The following MYO1H variants were observed in gnomAD, a reference collection of about 807,000 sequenced individuals.
MYO1H encodes the protein myosin IH.
Under a neutral mutation model 149.3 loss-of-function variants are expected in MYO1H, and 118 were observed. The ratio of observed to expected loss-of-function variants is 0.79; its 90% CI spans 0.68 to 0.92. MYO1H has a LOEUF of 0.92. Ranked by LOEUF, MYO1H falls within the 40% of genes least tolerant of loss-of-function variation. The pLI, the probability that MYO1H is intolerant of heterozygous loss-of-function variation, is 0.00. For missense variants in MYO1H, 1,212 were observed against 1,280.7 expected, an observed-to-expected ratio of 0.95 and a Z score of 0.82; for synonymous variants, 447 against 465.2, an observed-to-expected ratio of 0.96 and a Z score of 0.50.
At chr12:109,447,397 G>A (rs1201361667) in exon 32 of MYO1H, 3 of 609,630 alleles carry the variant, frequency 4.9e-6, no homozygotes, top group Non-Finnish European at 8.8e-6. Context: ...GTCACCTTCT[G>A]GAAGCAGACC....
chr12:109,427,875 T>G, intron 19 of MYO1H, among the ~76,000 whole-genome samples: 1 of 32,418 alleles, frequency 3.1e-5, no homozygotes, highest in African/African-American at 1.3e-4. Flanking sequence ...CAAAACCCAA[T>G]CTCTACAAAA....
chr12:109,318,677 CCA>C, the MYO1H span, among the ~76,000 whole-genome samples: 2 of 152,176 alleles, frequency 1.3e-5, no homozygotes, highest in African/African-American at 2.4e-5. Context: ...CCAACACACT[CCA>C]AAATTGTCAA....
intron 1 of MYO1H, among the ~76,000 whole-genome samples, chr12:109,355,118 C>T (rs1868559003): frequency 1.3e-5 from 2 of 152,100 alleles, no homozygotes. Context: ...CCGGAGCTGG[C>T]AGAAGTCTAT....
At chr12:109,433,305 C>T (rs1178080836) in intron 20 of MYO1H, among the ~76,000 whole-genome samples, 3 of 152,170 alleles carry the variant, frequency 2.0e-5, no homozygotes, top group African/African-American at 4.8e-5. Context: ...ACCTAACGTC[C>T]GTGTGCCTGG....
At chr12:109,407,851 G>C (rs759866884) in exon 10 of MYO1H, 2 of 1,613,952 alleles carry the variant, frequency 1.2e-6, no homozygotes, top group African/African-American at 1.3e-5. Flanking sequence ...AATGGCAAAG[G>C]CTGTTTATGG....
intron 1 of MYO1H, among the ~76,000 whole-genome samples, chr12:109,348,616 A>G (rs1370195340): frequency 6.6e-6 from 1 of 152,230 alleles, no homozygotes; most frequent in Admixed American, 6.5e-5. Flanking sequence ...ATTATCAGGT[A>G]GACAATGGTA....
chr12:109,328,339 A>G, the MYO1H span, among the ~76,000 whole-genome samples: 1 of 151,986 alleles, frequency 6.6e-6, no homozygotes. Context: ...TATGAGAGAG[A>G]TGCTATCAGT....
the MYO1H span, among the ~76,000 whole-genome samples, chr12:109,337,276 A>T: frequency 6.6e-6 from 1 of 152,192 alleles, no homozygotes; most frequent in Non-Finnish European, 1.5e-5. Context: ...ATATTCTTAT[A>T]ATTCAAATAT....
chr12:109,378,566 G>A (rs1315209290), intron 1 of MYO1H, among the ~76,000 whole-genome samples: 3 of 151,922 alleles, frequency 2.0e-5, no homozygotes, highest in Non-Finnish European at 2.9e-5. Context: ...TCAAGCCCCC[G>A]TCTGGGCCTC....
At position 109,445,569 on chromosome 12, in the gene MYO1H, T is replaced by G. The variant is rs3825393; in HGVS notation, c.3050T>G (p.Leu1017Arg). The G allele has an allele frequency of 7.8e-5, 125 of 1,612,148 alleles. 2 individuals are homozygous for G. The South Asian group carries it at 8.8e-4, about 11-fold the overall frequency. ...GGCACAATAGTTTTCGACACTGGAC[T>G]GGAAGAACAAGTCTATAAAAATAAA... is the stretch of plus-strand genomic sequence containing the variant. Residue 1017 changes from leucine to arginine, a missense_variant, in exon 31 of 32, where the codon CTG becomes CGG. By Grantham distance (102) the Leu-to-Arg change is moderately radical (BLOSUM62 -2). Coordinates refer to ENST00000310903, the Ensembl canonical transcript of MYO1H.
chr12:109,318,979 T>TG, the MYO1H span, among the ~76,000 whole-genome samples: 3 of 141,042 alleles, frequency 2.1e-5, no homozygotes, highest in African/African-American at 8.0e-5. Context: ...TTTGTTTTTT[T>TG]TTTTTTTTTT....
chr12:109,414,018 G>GC (rs1284994925), intron 14 of MYO1H, among the ~76,000 whole-genome samples: 10 of 152,178 alleles, frequency 6.6e-5, no homozygotes, highest in Non-Finnish European at 1.2e-4. Flanking sequence ...ACTAGAAAGG[G>GC]CTCAAAGTGG....
At position 109,395,881 on chromosome 12, in the gene MYO1H, TTTG is replaced by T. The variant is rs1229008936; in HGVS notation, c.291-500_291-498del. ...GTTTTTCGGGTTTGGGTTTTTTTGTTTTGTTTTTTGTTGGTTTGTTTTGTTGTT... is the reference window on the plus strand; with the variant it reads ...GTTTTTCGGGTTTGGGTTTTTTTGTTTTTTTTGTTGGTTTGTTTTGTTGTT... On this transcript the variant is annotated intron_variant, in intron 3 of 31. Coordinates refer to ENST00000310903, the Ensembl canonical transcript of MYO1H. 2.9e-5 allele frequency among the ~76,000 whole-genome samples: 4 copies of T among 137,730 alleles called. No homozygotes were observed. The East Asian group carries it at 9.4e-4, about 32-fold the overall frequency. 90.4% of individuals were successfully genotyped at this position (137,730 alleles called of 152,430 possible).
Position 109,443,504 on chromosome 12 carries a change from C to T in MYO1H, c.2689-10C>T. The T allele has an allele frequency of 6.2e-7, 1 of 1,612,448 alleles. No homozygotes were observed. ...CCACCTTCCCTGGTGAAGTCACCTT[C>T]CCCTTGCAGTATGGTGTCCCGGTCA... On this transcript the variant is annotated splice_polypyrimidine_tract_variant and intron_variant, in intron 27 of 31. Transcript: ENST00000310903.
intron 1 of MYO1H, among the ~76,000 whole-genome samples, chr12:109,377,533 C>T (rs185783418): frequency 1.2e-4 from 19 of 152,268 alleles, no homozygotes; most frequent in African/African-American, 4.1e-4. Context: ...GAAGGCCCCA[C>T]CTCCAACACT....
intron 1 of MYO1H, among the ~76,000 whole-genome samples, chr12:109,361,813 CAAAAAAAAA>C (rs35915417): frequency 8.8e-5 from 5 of 56,872 alleles, no homozygotes; most frequent in Non-Finnish European, 1.6e-4. Context: ...CCTTGTCTCA[CAAAAAAAAA>C]AAAAAAAAAA....
chr12:109,406,942 G>A, intron 9 of MYO1H, 82 bp downstream of exon 9: 2 of 1,290,964 alleles, frequency 1.5e-6, no homozygotes, highest in South Asian at 1.2e-5. Context: ...GGTGGCCTCA[G>A]GGGAGGCCAA....
At chr12:109,338,522 CT>C in the MYO1H span, among the ~76,000 whole-genome samples, 1 of 152,114 alleles carries the variant, frequency 6.6e-6, no homozygotes, top group African/African-American at 2.4e-5. Flanking sequence ...AATCCCAGCA[CT>C]TTGGAGGGCC....
intron 3 of MYO1H, among the ~76,000 whole-genome samples, chr12:109,395,508 G>T (rs912755365): frequency 2.0e-5 from 3 of 152,130 alleles, no homozygotes; most frequent in Non-Finnish European, 4.4e-5. Flanking sequence ...GGCTGAGGCA[G>T]GTGGATCACG....
Sources: gnomAD v4.1 joint callset for allele counts (sites outside exome capture counted in the v4.1 genomes callset) on GRCh38, gnomAD v4.1.1 for gene constraint, MANE v1.5 for transcripts, NCBI Gene and HGNC (gene_info 2026-07-23, HGNC 2026-07-21) for gene names.